The following ROBO2 variants were observed in gnomAD, a reference collection of about 807,000 sequenced individuals.
ROBO2 encodes roundabout homolog 2.
In ROBO2, 53 loss-of-function variants were observed where a neutral mutation model predicts 160.8. The observed-to-expected ratio is 0.33, with a 90% CI of 0.26 to 0.41. The LOEUF is 0.41. ROBO2 is among the 10% of genes least tolerant of loss of function. The pLI, the probability that ROBO2 is intolerant of heterozygous loss-of-function variation, is 1.00. For synonymous variants in ROBO2, 664 were observed against 611.7 expected (o/e 1.09, Z -1.26); for missense variants, 1,577 against 1,722.4 (o/e 0.92, Z 1.49).
chr3:76,882,908 T>C (rs1242421963), intron 2 of ROBO2, among the ~76,000 whole-genome samples: 1 of 152,234 alleles, frequency 6.6e-6, no homozygotes, highest in African/African-American at 2.4e-5. Context: ...ACATTTCAAA[T>C]GGTTTTGGAT....
chr3:76,477,667 T>C (rs961989639), intron 2 of ROBO2, among the ~76,000 whole-genome samples: 9 of 152,080 alleles, frequency 5.9e-5, no homozygotes, highest in African/African-American at 2.2e-4. Context: ...TATTTTAAAA[T>C]TGACACCTTT....
chr3:76,282,777 T>A (rs1241871766), intron 2 of ROBO2, among the ~76,000 whole-genome samples: 1 of 151,856 alleles, frequency 6.6e-6, no homozygotes, highest in Non-Finnish European at 1.5e-5. Flanking sequence ...CACTGAGCAA[T>A]CACACTGCAG....
At chr3:75,932,933 G>T (rs987721097) in intron 1 of ROBO2, among the ~76,000 whole-genome samples, 1 of 152,046 alleles carries the variant, frequency 6.6e-6, no homozygotes, top group African/African-American at 2.4e-5. Flanking sequence ...ATACATGCAT[G>T]TGTTATATCT....
At chr3:77,106,300 C>A (rs1255676899) in intron 2 of ROBO2, among the ~76,000 whole-genome samples, 2 of 152,276 alleles carry the variant, frequency 1.3e-5, no homozygotes, top group East Asian at 3.9e-4. Flanking sequence ...TCATTGGCCT[C>A]CCAAAGTGCT....
At chr3:77,146,164 C>T (rs551867696) in intron 2 of ROBO2, among the ~76,000 whole-genome samples, 4 of 152,316 alleles carry the variant, frequency 2.6e-5, no homozygotes, top group Non-Finnish European at 4.4e-5. Flanking sequence ...TAGTGTGCCA[C>T]AATCAGCGAG....
chr3:75,988,506 AT>A (rs2065477225), intron 2 of ROBO2, among the ~76,000 whole-genome samples: 3 of 151,908 alleles, frequency 2.0e-5, no homozygotes, highest in Admixed American at 2.0e-4. Context: ...TACTTTTTAA[AT>A]TCTCTACATC....
chr3:76,785,364 T>G (rs1215427341), intron 2 of ROBO2, among the ~76,000 whole-genome samples: 1 of 151,228 alleles, frequency 6.6e-6, no homozygotes, highest in Non-Finnish European at 1.5e-5. Context: ...TGAACTCTTA[T>G]AGTACTCTCT....
At chr3:76,171,830 G>A (rs748556751) in intron 2 of ROBO2, among the ~76,000 whole-genome samples, 9 of 151,940 alleles carry the variant, frequency 5.9e-5, no homozygotes, top group East Asian at 3.9e-4. Flanking sequence ...ATTTTTGGCC[G>A]ATGACTCAGC....
chr3:77,500,596 T>G (rs573761569), intron 5 of ROBO2, among the ~76,000 whole-genome samples: 3 of 152,316 alleles, frequency 2.0e-5, no homozygotes, highest in African/African-American at 7.2e-5. Flanking sequence ...ACATAAAATG[T>G]CTTGACATTA....
chr3:76,581,442 C>A (rs2085692536), intron 2 of ROBO2, among the ~76,000 whole-genome samples: 1 of 151,900 alleles, frequency 6.6e-6, no homozygotes, highest in Non-Finnish European at 1.5e-5. Context: ...TACCCAAGCA[C>A]CCTGGGCAAC....
rs1156673465 is a variant in ROBO2 at position 76,436,180 on chromosome 3, A to ACACACACACACACACACACACACACC, written c.109+498579_109+498580insACACACACACACACACACACACACCC. 3.3e-5 allele frequency among the ~76,000 whole-genome samples: 5 copies of ACACACACACACACACACACACACACC among 150,890 alleles called. No individual in the cohort carries two copies. In the East Asian group the frequency reaches 7.8e-4, roughly 24 times the overall value. ...GGAAAACACACACACACACACACAC[A>ACACACACACACACACACACACACACC]CCATTTCTTTTTCTTTTTTTTTATT... On this transcript the variant is annotated intron_variant, in intron 2 of 26. Transcript: ENST00000487694.
chr3:75,932,915 A>G (rs1947606453), intron 1 of ROBO2, among the ~76,000 whole-genome samples: 1 of 152,160 alleles, frequency 6.6e-6, no homozygotes, highest in South Asian at 2.1e-4. Flanking sequence ...TAAAATAAAT[A>G]ATTTTAAATA....
At chr3:77,421,797 C>CT (rs2077738481) in intron 2 of ROBO2, among the ~76,000 whole-genome samples, 1 of 151,816 alleles carries the variant, frequency 6.6e-6, no homozygotes, top group Admixed American at 6.6e-5. Context: ...CATTGGTTAT[C>CT]TTTTTTTCAA....
At chr3:77,189,346 A>T (rs976572491) in intron 2 of ROBO2, among the ~76,000 whole-genome samples, 1 of 151,916 alleles carries the variant, frequency 6.6e-6, no homozygotes, top group African/African-American at 2.4e-5. Context: ...ACTGAAGATA[A>T]GATTTGTAAC....
At chr3:76,882,313 G>A (rs760229385) in intron 2 of ROBO2, among the ~76,000 whole-genome samples, 1 of 151,990 alleles carries the variant, frequency 6.6e-6, no homozygotes, top group African/African-American at 2.4e-5. Flanking sequence ...CAAGTATCTG[G>A]CAATCTCTTA....
At chr3:76,252,603 T>C (rs17732842) in intron 2 of ROBO2, among the ~76,000 whole-genome samples, 3,565 of 151,988 alleles carry the variant, frequency 0.023, 58 homozygotes, top group South Asian at 0.065. Context: ...ACAAAGATGA[T>C]GTTTTATGTG....
At chr3:77,149,798 T>C (rs1008393311) in intron 2 of ROBO2, among the ~76,000 whole-genome samples, 8 of 150,646 alleles carry the variant, frequency 5.3e-5, no homozygotes, top group Non-Finnish European at 1.0e-4. Context: ...CTATTTTGCT[T>C]TTTTTTTTTC....
At chr3:76,286,471 A>G (rs1708510686) in intron 2 of ROBO2, among the ~76,000 whole-genome samples, 1 of 152,292 alleles carries the variant, frequency 6.6e-6, no homozygotes, top group South Asian at 2.1e-4. Flanking sequence ...TTGAAGAATG[A>G]TAAAAAAAGA....
At chr3:77,609,765 C>T (rs2094590248) in intron 21 of ROBO2, among the ~76,000 whole-genome samples, 1 of 144,956 alleles carries the variant, frequency 6.9e-6, no homozygotes, top group South Asian at 2.2e-4. Flanking sequence ...AAAATTGTTT[C>T]TACATATTTG....
Sources: gnomAD v4.1 joint callset for allele counts (sites outside exome capture counted in the v4.1 genomes callset) on GRCh38, gnomAD v4.1.1 for gene constraint, MANE v1.5 for transcripts, NCBI Gene and HGNC (gene_info 2026-07-23, HGNC 2026-07-21) for gene names.